ELMO1: variants seen among roughly 807,000 people sequenced by gnomAD.
ELMO1 encodes engulfment and cell motility protein 1.
Under a neutral mutation model 98.9 loss-of-function variants are expected in ELMO1, and 26 were observed. The observed-to-expected ratio is 0.26, with a 90% CI of 0.19 to 0.36. The LOEUF (loss-of-function observed/expected upper bound fraction) is 0.36. ELMO1 is among the 10% of genes least tolerant of loss of function. The pLI, the probability that ELMO1 is intolerant of heterozygous loss-of-function variation, is 1.00. For synonymous variants in ELMO1, 346 were observed against 346.0 expected, an observed-to-expected ratio of 1.00 and a Z score of 0.00; for missense variants, 627 against 935.2, an observed-to-expected ratio of 0.67 and a Z score of 4.30.
At chr7:37,030,259 C>G in intron 15 of ELMO1, among the ~76,000 whole-genome samples, 1 of 152,110 alleles carries the variant, frequency 6.6e-6, no homozygotes, top group East Asian at 1.9e-4. Context: ...ATGTGAAATG[C>G]AAGTTGATAC....
intron 1 of ELMO1, among the ~76,000 whole-genome samples, chr7:37,422,263 A>C (rs1278790083): frequency 1.3e-5 from 2 of 152,220 alleles, no homozygotes; most frequent in East Asian, 3.8e-4. Flanking sequence ...GAATAAATTC[A>C]ATGGGGAAAT....
intron 13 of ELMO1, among the ~76,000 whole-genome samples, chr7:37,168,723 C>T (rs546557004): frequency 3.9e-5 from 6 of 152,258 alleles, no homozygotes; most frequent in South Asian, 2.1e-4. Flanking sequence ...AGTACCCTGC[C>T]GTGTGAAGTG....
intron 15 of ELMO1, among the ~76,000 whole-genome samples, chr7:37,078,433 C>T (rs1584609496): frequency 6.6e-6 from 1 of 152,050 alleles, no homozygotes; most frequent in East Asian, 1.9e-4. Context: ...ATTAATGATC[C>T]ATCTATCTTA....
At chr7:37,076,910 C>A (rs1299734083) in intron 15 of ELMO1, among the ~76,000 whole-genome samples, 1 of 152,238 alleles carries the variant, frequency 6.6e-6, no homozygotes, top group Non-Finnish European at 1.5e-5. Flanking sequence ...CGGCTAAGAG[C>A]CTTCCCATTG....
At chr7:37,222,745 C>T in intron 9 of ELMO1, 52 bp from the exon 10 acceptor site, 1 of 1,566,120 alleles carries the variant, frequency 6.4e-7, no homozygotes, top group African/African-American at 1.4e-5. Context: ...TCAGAAGAGG[C>T]TAGCCCTGGG....
At position 36,870,312 on chromosome 7, in the gene ELMO1, C is replaced by T. The variant is rs1803400747; in HGVS notation, c.1905+81G>A. On this transcript the variant is annotated intron_variant, in intron 20 of 21. Coordinates refer to ENST00000310758, the MANE Select transcript of ELMO1 (RefSeq NM_014800.11). This position sits in a 1 kb window ranked among gnomAD's most constrained non-coding sequence, Gnocchi z 4.4. ...AACACACGCACACACACGAACACTG[C>T]TATAAAGGAGGGCTAGGCTGGCTGC... The T allele has an allele frequency of 8.1e-7, 1 of 1,229,020 alleles. No individual in the cohort carries two copies. The highest frequency in any genetic ancestry group is 1.3e-5 in the South Asian group (1 of 79,886). 76.1% of individuals were successfully genotyped at this position (1,229,020 alleles called of 1,614,324 possible).
intron 1 of ELMO1, among the ~76,000 whole-genome samples, chr7:37,374,880 T>G (rs1367025520): frequency 1.3e-5 from 2 of 151,906 alleles, no homozygotes; most frequent in Non-Finnish European, 2.9e-5. Context: ...GCCAAGATGG[T>G]GAAACTACGT....
chr7:37,343,599 A>G (rs1376006292), intron 1 of ELMO1, among the ~76,000 whole-genome samples: 1 of 144,876 alleles, frequency 6.9e-6, no homozygotes, highest in African/African-American at 2.6e-5. Flanking sequence ...CTCCTGCCTC[A>G]GCCTCCCAAG....
At chr7:37,412,774 C>T (rs1291933053) in intron 1 of ELMO1, among the ~76,000 whole-genome samples, 1 of 152,190 alleles carries the variant, frequency 6.6e-6, no homozygotes, top group East Asian at 1.9e-4. Context: ...ACATGATTGT[C>T]TCTCCCTGAA....
chr7:36,948,584 C>CTA (rs1787703716), intron 16 of ELMO1, among the ~76,000 whole-genome samples: 1 of 152,174 alleles, frequency 6.6e-6, no homozygotes, highest in Admixed American at 6.5e-5. Flanking sequence ...CAGTCTCTAC[C>CTA]ATTTATTGAC....
chr7:36,939,470 C>T (rs1786835729), intron 16 of ELMO1, among the ~76,000 whole-genome samples: 1 of 152,226 alleles, frequency 6.6e-6, no homozygotes, highest in African/African-American at 2.4e-5. Flanking sequence ...AACAACTCTT[C>T]CCGCAGGCTC....
At chr7:37,187,813 T>G (rs1791308007) in intron 13 of ELMO1, among the ~76,000 whole-genome samples, 1 of 152,184 alleles carries the variant, frequency 6.6e-6, no homozygotes. Flanking sequence ...TGTTAAGCAC[T>G]TGAATTCACA....
intron 10 of ELMO1, among the ~76,000 whole-genome samples, chr7:37,218,715 C>T (rs1468787641): frequency 6.6e-6 from 1 of 152,012 alleles, no homozygotes; most frequent in Non-Finnish European, 1.5e-5. Context: ...AGTATGCTCA[C>T]ATTTGGTGAA....
At chr7:36,927,896 A>T (rs1341677097) in intron 16 of ELMO1, among the ~76,000 whole-genome samples, 1 of 152,166 alleles carries the variant, frequency 6.6e-6, no homozygotes, top group African/African-American at 2.4e-5. Flanking sequence ...GAGATTTGGG[A>T]GTTCAAATAT....
chr7:37,101,567 C>CA (rs1313612878), intron 14 of ELMO1, among the ~76,000 whole-genome samples: 2 of 152,120 alleles, frequency 1.3e-5, no homozygotes, highest in African/African-American at 2.4e-5. Flanking sequence ...GAAGCAGTTA[C>CA]AAAAAATAAA....
At chr7:37,296,530 C>T (rs531496827) in intron 4 of ELMO1, among the ~76,000 whole-genome samples, 59 of 152,312 alleles carry the variant, frequency 3.9e-4, no homozygotes, top group Non-Finnish European at 7.8e-4. Context: ...CGTTGCCATA[C>T]GCTGTGACAC....
intron 1 of ELMO1, among the ~76,000 whole-genome samples, chr7:37,380,198 T>C (rs1962234): frequency 6.6e-6 from 1 of 152,048 alleles, no homozygotes; most frequent in East Asian, 1.9e-4. Context: ...CAAACCCATA[T>C]TACTAATAAA....
intron 16 of ELMO1, among the ~76,000 whole-genome samples, chr7:36,904,613 T>C (rs2129061240): frequency 6.6e-6 from 1 of 152,312 alleles, no homozygotes; most frequent in African/African-American, 2.4e-5. Flanking sequence ...AATTTAAGGC[T>C]CAAGGCATCT....
chr7:37,401,810 G>A (rs1039413491), intron 1 of ELMO1, among the ~76,000 whole-genome samples: 5 of 152,112 alleles, frequency 3.3e-5, no homozygotes, highest in African/African-American at 1.2e-4. Flanking sequence ...ATGAGATTTG[G>A]GTGGGCACAC....
Sources: allele counts gnomAD v4.1 joint callset (sites outside exome capture counted in the v4.1 genomes callset), GRCh38; gene constraint gnomAD v4.1.1; non-coding constraint Gnocchi (gnomAD v3.1); transcripts MANE v1.5; gene names NCBI Gene and HGNC (gene_info 2026-07-23, HGNC 2026-07-21).